Variants in CDKN2B-AS1 observed in about 807,000 individuals in gnomAD.
CDKN2B-AS1 encodes the protein CDKN2B and CDKN2A antisense cis and trans regulatory RNA 1, also known as CDKN2B antisense RNA 1 (non-protein coding).
At position 22,110,660 on chromosome 9, in the gene CDKN2B-AS1, TA is replaced by T. The variant is rs556374986; in HGVS notation, n.439-16440del. ...CTTGCAATCATTGTGTATAAGTGCG[TA>T]AACCATGTATCTAGAGTTTATAGAA... On this transcript the variant is annotated intron_variant and non_coding_transcript_variant, in intron 4 of 4. Transcript: ENST00000650946. 2.6e-5 allele frequency among the ~76,000 whole-genome samples: 4 copies of T among 152,240 alleles called. No homozygotes were observed. The South Asian group carries it at 8.3e-4, about 32-fold the overall frequency.
chr9:22,008,546 T>G, intron 1 of CDKN2B-AS1: 1 of 937,856 alleles, frequency 1.1e-6, no homozygotes, highest in South Asian at 1.7e-5. Flanking sequence ...ATTCAGTCTA[T>G]TCCTTGCATC....
At chr9:22,009,062 AG>A in intron 1 of CDKN2B-AS1, 1 of 1,525,570 alleles carries the variant, frequency 6.6e-7, no homozygotes, top group Non-Finnish European at 9.0e-7. Context: ...TCTCCTTCCT[AG>A]GAGACCTGGG....
At chr9:22,044,974 A>G (rs1174210861) in intron 1 of CDKN2B-AS1, among the ~76,000 whole-genome samples, 1 of 151,554 alleles carries the variant, frequency 6.6e-6, no homozygotes, top group Non-Finnish European at 1.5e-5. Flanking sequence ...CATATGATCA[A>G]TACTTATTTT....
Position 22,004,231 on chromosome 9 carries a change from T to C in CDKN2B-AS1, n.29+9070T>C, listed in dbSNP as rs944719153. 7 of 232,558 alleles carry C rather than the reference T, an allele frequency of 3.0e-5. No homozygotes were observed. In the East Asian group the frequency reaches 3.1e-4, roughly 10 times the overall value. 14.4% of individuals were successfully genotyped at this position (232,558 alleles called of 1,614,324 possible). ...CCCAGTAATATGTTCATTTTGGGAA[T>C]AGGAATTGGTAGAGAAGTAAAGATT... is the stretch of plus-strand genomic sequence containing the variant. On this transcript the variant is annotated intron_variant and non_coding_transcript_variant, in intron 1 of 4. Transcript: ENST00000650946.
chr9:22,099,956 T>C (rs1825427605), intron 4 of CDKN2B-AS1, among the ~76,000 whole-genome samples: 2 of 152,144 alleles, frequency 1.3e-5, no homozygotes, highest in African/African-American at 4.8e-5. Context: ...AAATTTTTCA[T>C]TGTGTTCTAT....
At chr9:22,052,406 G>A (rs976618743) in intron 3 of CDKN2B-AS1, among the ~76,000 whole-genome samples, 5 of 152,098 alleles carry the variant, frequency 3.3e-5, no homozygotes, top group South Asian at 4.1e-4. Flanking sequence ...ATGATAACAC[G>A]TTTCTACAAA....
exon 5 of CDKN2B-AS1, among the ~76,000 whole-genome samples, chr9:22,127,150 C>T (rs996433557): frequency 3.9e-5 from 6 of 152,058 alleles, no homozygotes; most frequent in South Asian, 4.1e-4. Context: ...GGCGTGATCT[C>T]GGCTCACTGC....
chr9:22,042,018 G>T (rs377677144), intron 1 of CDKN2B-AS1, among the ~76,000 whole-genome samples: 1 of 152,042 alleles, frequency 6.6e-6, no homozygotes, highest in South Asian at 2.1e-4. Flanking sequence ...TGTTAGCCAA[G>T]TTTACTATGT....
chr9:22,009,192 A>C (rs1821364337), intron 1 of CDKN2B-AS1: 1 of 629,804 alleles, frequency 1.6e-6, no homozygotes. Flanking sequence ...GCGCGCCTGG[A>C]TTGCTTCTGG....
At chr9:22,047,010 C>T (rs940745385) in intron 2 of CDKN2B-AS1, 1 of 152,016 alleles carries the variant, frequency 6.6e-6, no homozygotes, top group Non-Finnish European at 1.5e-5. Flanking sequence ...TTTCTTTGAG[C>T]CCTCGTTTAT....
In CDKN2B-AS1 at chr9:22,088,419, G is replaced by T. The variant is rs150426906; in HGVS notation, n.438+32032G>T. ...CTTCTACTCAGGAGAATGCACAATT[G>T]CACACATACACAAATGTGCAAGCAC... On this transcript the variant is annotated intron_variant and non_coding_transcript_variant, in intron 4 of 4. Coordinates refer to ENST00000650946, the Ensembl canonical transcript of CDKN2B-AS1. Among the ~76,000 whole-genome samples, 704 of 145,436 alleles carry T rather than the reference G, an allele frequency of 4.8e-3. 3 individuals are homozygous for T. Among genetic ancestry groups the T allele is most frequent in the Non-Finnish European group, 6.1e-3 (408 of 67,056 alleles).
upstream of CDKN2B-AS1, chr9:21,995,101 T>C (rs1399454284): frequency 1.3e-5 from 2 of 152,130 alleles, no homozygotes; most frequent in African/African-American, 4.8e-5. This position sits in a 1 kb window ranked among gnomAD's most constrained non-coding sequence, Gnocchi z 5.7. Context: ...TGACGCGACA[T>C]CTGGACACGG....
At position 22,126,422 on chromosome 9, in the gene CDKN2B-AS1, TAAAAAC is replaced by T. The variant is rs551039885; in HGVS notation, n.439-678_439-673del. ...TGTGTATGTATTCTTTTCAAAATAA[TAAAAAC>T]AATAACAACGATTAAAATATACAAG... On this transcript the variant is annotated intron_variant and non_coding_transcript_variant, in intron 4 of 4. Coordinates refer to ENST00000650946, the Ensembl canonical transcript of CDKN2B-AS1. 7.9e-4 allele frequency among the ~76,000 whole-genome samples: 120 copies of T among 152,232 alleles called. 2 individuals are homozygous for T. The South Asian group carries it at 0.024, about 31-fold the overall frequency.
At chr9:22,084,714 A>G (rs1310158280) in intron 4 of CDKN2B-AS1, among the ~76,000 whole-genome samples, 2 of 152,174 alleles carry the variant, frequency 1.3e-5, no homozygotes, top group African/African-American at 2.4e-5. Context: ...CAGCAGTAAC[A>G]TTGTTTATCT....
chr9:22,109,398 CT>C (rs1825743715), intron 4 of CDKN2B-AS1, among the ~76,000 whole-genome samples: 1 of 152,202 alleles, frequency 6.6e-6, no homozygotes, highest in Non-Finnish European at 1.5e-5. Context: ...GCTGTCTCCC[CT>C]GACTGGATAG....
chr9:22,098,853 T>G (rs1825381516), intron 4 of CDKN2B-AS1, among the ~76,000 whole-genome samples: 1 of 152,186 alleles, frequency 6.6e-6, no homozygotes, highest in Non-Finnish European at 1.5e-5. Context: ...GATGTGTTGA[T>G]TACATCTAGG....
chr9:22,072,937 T>C (rs1425814375), intron 4 of CDKN2B-AS1, among the ~76,000 whole-genome samples: 2 of 152,210 alleles, frequency 1.3e-5, no homozygotes, highest in East Asian at 3.8e-4. Context: ...TGAAAGGAGA[T>C]AAGTATGAAA....
intron 4 of CDKN2B-AS1, among the ~76,000 whole-genome samples, chr9:22,107,117 C>T (rs551572177): frequency 9.8e-5 from 15 of 152,300 alleles, no homozygotes; most frequent in African/African-American, 3.1e-4. Context: ...ATGCTGGCAG[C>T]AGGGAGATCA....
In CDKN2B-AS1 at chr9:22,073,640, G is replaced by A. The variant is rs925834617; in HGVS notation, n.438+17253G>A. 2.0e-5 allele frequency among the ~76,000 whole-genome samples: 3 copies of A among 152,120 alleles called. No homozygotes were observed. In the East Asian group the frequency reaches 5.8e-4, roughly 29 times the overall value. ...TTTATTTGATATGAAGAAACTGCCT[G>A]CTGTTTTGACCCATTTAGCTACTAG... On this transcript the variant is annotated intron_variant and non_coding_transcript_variant, in intron 4 of 4. Coordinates refer to ENST00000650946, the Ensembl canonical transcript of CDKN2B-AS1.
Sources: allele counts gnomAD v4.1 joint callset (sites outside exome capture counted in the v4.1 genomes callset), GRCh38; gene constraint gnomAD v4.1.1; non-coding constraint Gnocchi (gnomAD v3.1); transcripts MANE v1.5; gene names NCBI Gene and HGNC (gene_info 2026-07-23, HGNC 2026-07-21).